Variants in RBFOX1 observed in about 807,000 individuals in gnomAD.
RBFOX1 encodes RNA binding protein fox-1 homolog 1.
In RBFOX1, 8 loss-of-function variants were observed where a neutral mutation model predicts 57.7. The ratio of observed to expected loss-of-function variants is 0.14; its 90% CI spans 0.08 to 0.25. The LOEUF is 0.25. RBFOX1 is among the 10% of genes least tolerant of loss of function. The pLI is 1.00. For synonymous variants in RBFOX1, 326 were observed against 222.4 expected, an observed-to-expected ratio of 1.47 and a Z score of -4.15; for missense variants, 611 against 548.5, an observed-to-expected ratio of 1.11 and a Z score of -1.14.
At chr16:5,292,882 C>G (rs1256832380) in intron 1 of RBFOX1, among the ~76,000 whole-genome samples, 1 of 152,038 alleles carries the variant, frequency 6.6e-6, no homozygotes, top group Non-Finnish European at 1.5e-5. Flanking sequence ...CTCGGCCTCC[C>G]AAAGTGCTGG....
intron 1 of RBFOX1, among the ~76,000 whole-genome samples, chr16:5,449,466 C>T (rs1271123387): frequency 6.6e-6 from 1 of 152,104 alleles, no homozygotes; most frequent in Non-Finnish European, 1.5e-5. Flanking sequence ...CATATCAGAC[C>T]CTAAACACTA....
At chr16:6,607,739 C>G (rs778482397) in intron 2 of RBFOX1, among the ~76,000 whole-genome samples, 12 of 152,026 alleles carry the variant, frequency 7.9e-5, no homozygotes, top group Non-Finnish European at 1.5e-4. Context: ...TTGTGGTTTC[C>G]CCCTGCTGTA....
At chr16:5,636,232 C>G (rs893062846) in intron 3 of RBFOX1, among the ~76,000 whole-genome samples, 64 of 152,144 alleles carry the variant, frequency 4.2e-4, no homozygotes, top group African/African-American at 1.5e-3. Flanking sequence ...CCTGTAGTCC[C>G]AGCTACTCTG....
Position 6,095,989 on chromosome 16 carries a change from C to G in RBFOX1, c.-127+75997C>G, listed in dbSNP as rs575992972. Among the ~76,000 whole-genome samples, 4 of 152,324 alleles carry G rather than the reference C, an allele frequency of 2.6e-5. No individual in the cohort carries two copies. In the East Asian group the frequency reaches 7.8e-4, roughly 30 times the overall value. Reference sequence around the variant, plus strand: ...CCACCCAGGCCACGATGGGGAAGAGCCTGGCCTGCCCCAAAGGTGGCCCTT... The same window carrying G: ...CCACCCAGGCCACGATGGGGAAGAGGCTGGCCTGCCCCAAAGGTGGCCCTT... On this transcript the variant is annotated intron_variant, in intron 1 of 15. Transcript: ENST00000550418.
intron 4 of RBFOX1, among the ~76,000 whole-genome samples, chr16:7,508,263 C>A (rs769375621): frequency 1.3e-5 from 2 of 152,172 alleles, no homozygotes; most frequent in Admixed American, 6.5e-5. Flanking sequence ...CAAGCGTGAG[C>A]CACCGCGCCC....
At chr16:7,635,068 A>G (rs2142986158) in intron 11 of RBFOX1, among the ~76,000 whole-genome samples, 1 of 152,330 alleles carries the variant, frequency 6.6e-6, no homozygotes, top group East Asian at 1.9e-4. Context: ...GTTGAGGGGA[A>G]AGGTACTAGG....
chr16:5,946,531 C>T lies in RBFOX1; in HGVS notation c.351+79196C>T, dbSNP rs904735792. 6.7e-6 allele frequency among the ~76,000 whole-genome samples: 1 copy of T among 149,962 alleles called. No homozygotes were observed. The highest frequency in any genetic ancestry group is 2.2e-4 in the South Asian group (1 of 4,616). ...GAGGACATGGAAGTTCTACGCCCTTCCCCGTATCTCACTCTATGCATATTT... is the reference window on the plus strand; with the variant it reads ...GAGGACATGGAAGTTCTACGCCCTTTCCCGTATCTCACTCTATGCATATTT... On this transcript the variant is annotated intron_variant, in intron 4 of 19. Coordinates refer to the RBFOX1 transcript ENST00000641259. This position sits in a 1 kb window ranked among gnomAD's most constrained non-coding sequence, Gnocchi z 4.6.
intron 4 of RBFOX1, among the ~76,000 whole-genome samples, chr16:7,482,756 G>T (rs942467030): frequency 2.0e-5 from 3 of 151,772 alleles, no homozygotes; most frequent in African/African-American, 7.3e-5. Flanking sequence ...TTATGTTCTT[G>T]GATGTGCTGG....
chr16:7,625,980 A>G (rs1757699178), intron 10 of RBFOX1, among the ~76,000 whole-genome samples: 1 of 152,228 alleles, frequency 6.6e-6, no homozygotes, highest in Admixed American at 6.5e-5. Context: ...CACTCATTAA[A>G]TAGATTACAC....
Position 5,515,917 on chromosome 16 carries a change from C to G in RBFOX1, c.258+48663C>G, listed in dbSNP as rs2043774781. ...CAGTAACACAATGAGGTAGTCTATT[C>G]ATATTTTCATTTTGTAAATGAAGAA... is the stretch of plus-strand genomic sequence containing the variant. On this transcript the variant is annotated intron_variant, in intron 2 of 2. Coordinates refer to the RBFOX1 transcript ENST00000585867. Among the ~76,000 whole-genome samples, 4 of 152,254 alleles carry G rather than the reference C, an allele frequency of 2.6e-5. No individual in the cohort carries two copies. The South Asian group carries it at 6.2e-4, about 24-fold the overall frequency.
chr16:5,255,248 T>A (rs2062554627), intron 1 of RBFOX1, among the ~76,000 whole-genome samples: 1 of 151,626 alleles, frequency 6.6e-6, no homozygotes, highest in Non-Finnish European at 1.5e-5. Flanking sequence ...GGAAAATCAC[T>A]CAATTCTTTG....
chr16:5,655,832 G>T (rs985716677), intron 3 of RBFOX1, among the ~76,000 whole-genome samples: 3 of 152,180 alleles, frequency 2.0e-5, no homozygotes, highest in Non-Finnish European at 2.9e-5. Flanking sequence ...GCCTCCATTT[G>T]ACTCTCTGTT....
intron 4 of RBFOX1, among the ~76,000 whole-genome samples, chr16:7,149,922 T>A (rs2075793242): frequency 6.6e-6 from 1 of 152,206 alleles, no homozygotes; most frequent in Admixed American, 6.5e-5. Flanking sequence ...CCACATCCCG[T>A]GGCTTGTTAT....
chr16:5,426,429 G>T (rs77712379), intron 1 of RBFOX1, among the ~76,000 whole-genome samples: 2 of 152,136 alleles, frequency 1.3e-5, no homozygotes, highest in Non-Finnish European at 1.5e-5. Flanking sequence ...GACTAAAACC[G>T]TACCCAGCGT....
intron 4 of RBFOX1, among the ~76,000 whole-genome samples, chr16:7,353,876 A>T (rs530650188): frequency 6.6e-6 from 1 of 152,188 alleles, no homozygotes; most frequent in Non-Finnish European, 1.5e-5. Flanking sequence ...TTCTGGAATT[A>T]TCTGGAATGT....
intron 3 of RBFOX1, among the ~76,000 whole-genome samples, chr16:6,820,064 C>T (rs1019145694): frequency 2.0e-5 from 3 of 152,214 alleles, no homozygotes; most frequent in East Asian, 1.9e-4. Context: ...AATCGTGGGG[C>T]TTGATTTTTC....
chr16:7,088,094 T>G (rs1345658036), intron 4 of RBFOX1, among the ~76,000 whole-genome samples: 1 of 152,190 alleles, frequency 6.6e-6, no homozygotes, highest in Non-Finnish European at 1.5e-5. Context: ...AAGCTGCAAT[T>G]TTATTTTCAG....
intron 1 of RBFOX1, among the ~76,000 whole-genome samples, chr16:6,103,236 C>T (rs1435883505): frequency 6.6e-6 from 1 of 152,126 alleles, no homozygotes; most frequent in Admixed American, 6.5e-5. Flanking sequence ...GGGTTTAATT[C>T]TGTCTCTGAC....
At chr16:6,168,494 A>G (rs1463169969) in intron 1 of RBFOX1, among the ~76,000 whole-genome samples, 3 of 152,210 alleles carry the variant, frequency 2.0e-5, no homozygotes, top group East Asian at 3.9e-4. Flanking sequence ...ATGATCTGCA[A>G]TGAGCCTATA....
Sources: gnomAD v4.1 joint callset for allele counts (sites outside exome capture counted in the v4.1 genomes callset) on GRCh38, gnomAD v4.1.1 for gene constraint, Gnocchi (gnomAD v3.1) non-coding constraint, MANE v1.5 for transcripts, NCBI Gene and HGNC (gene_info 2026-07-23, HGNC 2026-07-21) for gene names.